SORCS3: variants seen among roughly 807,000 people sequenced by gnomAD.
SORCS3 encodes the protein VPS10 domain-containing receptor SorCS3.
Under a neutral mutation model 146.3 loss-of-function variants are expected in SORCS3, and 57 were observed. That is an observed-to-expected ratio of 0.39 (90% confidence interval 0.31 to 0.49). The LOEUF (loss-of-function observed/expected upper bound fraction) is 0.49, where lower values mean the gene tolerates loss of function less well. Ranked by LOEUF, SORCS3 falls within the 20% of genes least tolerant of loss-of-function variation. The probability of loss-of-function intolerance (pLI) is 0.92; values close to 1 mark genes in which losing one functional copy is unlikely to be tolerated. For missense variants in SORCS3, 1,341 were observed against 1,575.5 expected (o/e 0.85, Z 2.52); for synonymous variants, 653 against 618.5 (o/e 1.06, Z -0.83).
chr10:105,075,017 C>G (rs888116493), intron 5 of SORCS3, among the ~76,000 whole-genome samples: 2 of 152,178 alleles, frequency 1.3e-5, no homozygotes, highest in African/African-American at 4.8e-5. Context: ...CACCTGGTTC[C>G]TTTTTCTTTC....
chr10:104,660,261 G>A (rs1459832161), intron 1 of SORCS3, among the ~76,000 whole-genome samples: 1 of 150,412 alleles, frequency 6.6e-6, no homozygotes. Context: ...TTCCTGAAAA[G>A]TGGGTTTCAG....
intron 14 of SORCS3, among the ~76,000 whole-genome samples, chr10:105,191,985 C>G (rs2056519855): frequency 6.6e-6 from 1 of 152,092 alleles, no homozygotes; most frequent in African/African-American, 2.4e-5. Flanking sequence ...ACCACATTCT[C>G]TTTAAATATT....
intron 1 of SORCS3, among the ~76,000 whole-genome samples, chr10:104,780,119 T>C (rs1438338912): frequency 1.4e-5 from 2 of 138,990 alleles, no homozygotes; most frequent in Non-Finnish European, 3.0e-5. Context: ...TTGGGAAGAA[T>C]TGCCCTGAGA....
rs189661405 is a variant in SORCS3 at position 105,263,210 on chromosome 10, C to T, written c.3605-100C>T. On this transcript the variant is annotated intron_variant, in intron 26 of 26. Transcript: ENST00000369701. ...CTTTTAAATAAATTCCTATTAAGCA[C>T]CTGTTCTGGGTGGCTTGGTATTTAG... 14 of 1,083,066 alleles carry T rather than the reference C, an allele frequency of 1.3e-5. No homozygotes were observed. In the Admixed American group the frequency reaches 2.8e-4, roughly 22 times the overall value. The allele number at this position is 1,083,066 out of a possible 1,614,324, so 67.1% of individuals were successfully genotyped here.
chr10:105,016,766 C>T (rs946745218), intron 4 of SORCS3, among the ~76,000 whole-genome samples: 5 of 152,140 alleles, frequency 3.3e-5, no homozygotes, highest in African/African-American at 1.2e-4. Flanking sequence ...CCACTTCAAT[C>T]TCTTGTCCTG....
chr10:105,156,797 C>A lies in SORCS3; in HGVS notation c.1483-341C>A, dbSNP rs372674803. Among the ~76,000 whole-genome samples the A allele has an allele frequency of 5.9e-5, 9 of 152,248 alleles. No homozygotes were observed. In the South Asian group the frequency reaches 1.5e-3, roughly 25 times the overall value. ...AAAACATGTTTGCTGGAAGGGGTAA[C>A]TCCTTCAGTTCTTGTCAGCCACTCC... is the stretch of plus-strand genomic sequence containing the variant. On this transcript the variant is annotated intron_variant, in intron 9 of 26. Transcript: ENST00000369701.
intron 19 of SORCS3, among the ~76,000 whole-genome samples, chr10:105,222,075 T>G: frequency 7.3e-6 from 1 of 136,782 alleles, no homozygotes; most frequent in African/African-American, 2.7e-5. Flanking sequence ...TTTTTTTAGT[T>G]AACATGAAGT....
chr10:105,244,866 C>T (rs2056856267), intron 20 of SORCS3, among the ~76,000 whole-genome samples: 1 of 151,860 alleles, frequency 6.6e-6, no homozygotes, highest in Non-Finnish European at 1.5e-5. Flanking sequence ...CTCAGGAGTT[C>T]AAGATCAGCC....
intron 4 of SORCS3, among the ~76,000 whole-genome samples, chr10:104,986,007 G>A (rs376842122): frequency 1.5e-4 from 23 of 152,264 alleles, no homozygotes; most frequent in African/African-American, 4.6e-4. Context: ...CGTCAGCAGC[G>A]TTAGCCTGGG....
At chr10:105,147,947 C>A in intron 9 of SORCS3, 151 bp downstream of exon 9, 1 of 585,036 alleles carries the variant, frequency 1.7e-6, no homozygotes, top group Non-Finnish European at 3.0e-6. Context: ...CTATATGCCT[C>A]AATTCTAGTA....
At chr10:105,065,365 G>A (rs1030897692) in intron 5 of SORCS3, among the ~76,000 whole-genome samples, 60 of 151,796 alleles carry the variant, frequency 4.0e-4, no homozygotes, top group East Asian at 1.9e-4. Flanking sequence ...GTGGAAACTC[G>A]TGTAGCAATT....
Position 104,842,876 on chromosome 10 carries a change from T to C in SORCS3, c.695+17T>C, listed in dbSNP as rs778268890. 1 of 1,607,890 alleles carries C rather than the reference T, an allele frequency of 6.2e-7. No individual in the cohort carries two copies. The highest frequency in any genetic ancestry group is 1.1e-5 in the South Asian group (1 of 90,914). On this transcript the variant is annotated intron_variant, in intron 2 of 26. Transcript: ENST00000369701. Reference sequence around the variant, plus strand: ...ACTATGGAGGTAAGCAGATTAGAGATTCTTAAGGAGCCACCCTGGCTTGGC... The same window carrying C: ...ACTATGGAGGTAAGCAGATTAGAGACTCTTAAGGAGCCACCCTGGCTTGGC...
chr10:104,816,098 A>G (rs532192397), intron 1 of SORCS3, among the ~76,000 whole-genome samples: 22 of 152,306 alleles, frequency 1.4e-4, no homozygotes, highest in African/African-American at 5.1e-4. Context: ...ATAAGAGTAT[A>G]TTACCTAAAG....
At chr10:104,864,629 A>G (rs1201478906) in intron 2 of SORCS3, among the ~76,000 whole-genome samples, 6 of 152,264 alleles carry the variant, frequency 3.9e-5, no homozygotes, top group Non-Finnish European at 7.4e-5. Context: ...GGGTGCTCCA[A>G]GGTCTTTTCA....
rs139722365 is a variant in SORCS3 at position 105,201,126 on chromosome 10, C to T, written c.2134C>T (p.Pro712Ser). ...QTWHLLNQGEPCVMGERKIFK... is the reference protein window; with the variant it reads ...QTWHLLNQGESCVMGERKIFK... ...TATGGAATTTCTCTCTAAGGGAGAGCCTTGTGTCATGGGAGAAAGGAAAAT... is the reference window on the plus strand; with the variant it reads ...TATGGAATTTCTCTCTAAGGGAGAGTCTTGTGTCATGGGAGAAAGGAAAAT... Residue 712 changes from proline to serine, a missense_variant, in exon 16 of 27, where the codon CCT becomes TCT. Pro to Ser is a moderately conservative substitution (Grantham distance 74). Coordinates refer to ENST00000369701, the MANE Select transcript of SORCS3 (RefSeq NM_014978.3). 4 of 1,612,600 alleles carry T rather than the reference C, an allele frequency of 2.5e-6. No homozygotes were observed. Among genetic ancestry groups the T allele is most frequent in the East Asian group, 2.2e-5 (1 of 44,824 alleles).
intron 7 of SORCS3, among the ~76,000 whole-genome samples, chr10:105,114,091 C>A (rs1030478897): frequency 2.0e-5 from 3 of 152,154 alleles, no homozygotes; most frequent in Non-Finnish European, 2.9e-5. Context: ...CCCTGGCTAC[C>A]CTTGCTACTA....
At chr10:104,977,738 T>TTC (rs1564727064) in intron 4 of SORCS3, among the ~76,000 whole-genome samples, 1 of 148,134 alleles carries the variant, frequency 6.8e-6, no homozygotes, top group East Asian at 1.9e-4. Context: ...TTCTTTTTTT[T>TTC]TTTTTTTTTT....
chr10:105,253,259 C>T (rs1014848192), intron 23 of SORCS3, among the ~76,000 whole-genome samples: 1 of 152,052 alleles, frequency 6.6e-6, no homozygotes, highest in Non-Finnish European at 1.5e-5. Context: ...TTTGAATTTC[C>T]TTGTTTATTT....
At chr10:104,839,973 T>C (rs964150604) in intron 1 of SORCS3, among the ~76,000 whole-genome samples, 1 of 152,126 alleles carries the variant, frequency 6.6e-6, no homozygotes, top group African/African-American at 2.4e-5. Context: ...TCAGCAAGGC[T>C]GTTAGGAGAT....
Sources: allele counts gnomAD v4.1 joint callset (sites outside exome capture counted in the v4.1 genomes callset), GRCh38; gene constraint gnomAD v4.1.1; transcripts MANE v1.5; gene names NCBI Gene and HGNC (gene_info 2026-07-23, HGNC 2026-07-21).